The following PCSK6 variants were observed in gnomAD, a reference collection of about 807,000 sequenced individuals.
The protein encoded by PCSK6 is proprotein convertase subtilisin/kexin type 6.
PCSK6 carries 85 observed loss-of-function variants against 123.3 expected under a neutral mutation model. The observed-to-expected ratio is 0.69, with a 90% confidence interval of 0.58 to 0.83. The LOEUF (loss-of-function observed/expected upper bound fraction) is 0.83. Ranked by LOEUF, PCSK6 falls within the 40% of genes least tolerant of loss-of-function variation. PCSK6 has a pLI of 0.00. For missense variants in PCSK6, 1,191 were observed against 1,282.3 expected, an observed-to-expected ratio of 0.93 and a Z score of 1.09; for synonymous variants, 508 against 516.0, an observed-to-expected ratio of 0.98 and a Z score of 0.21.
intron 1 of PCSK6, 62 bp from the exon 2 acceptor site, chr15:101,443,722 C>T: frequency 8.3e-7 from 1 of 1,210,496 alleles, no homozygotes; most frequent in Non-Finnish European, 1.2e-6. Flanking sequence ...CCAAAATCTT[C>T]CACCCCACAA....
rs115950115 is a variant in PCSK6 at position 101,427,555 on chromosome 15, C to T, written c.823+337G>A. Among the ~76,000 whole-genome samples the T allele has an allele frequency of 3.9e-3, 598 of 152,304 alleles. 6 individuals are homozygous for T. Among genetic ancestry groups the T allele is most frequent in the African/African-American group, 0.013 (559 of 41,574 alleles). On this transcript the variant is annotated intron_variant, in intron 6 of 21. Coordinates refer to ENST00000611716, the MANE Select transcript of PCSK6 (RefSeq NM_002570.5). Reference sequence around the variant, plus strand: ...AGCTGTCACTCTGTCTGGGAAGTGACGGAGCCACTGAGGGCTATGGGCAGC... The same window carrying T: ...AGCTGTCACTCTGTCTGGGAAGTGATGGAGCCACTGAGGGCTATGGGCAGC...
At chr15:101,353,290 C>T (rs972105012) in intron 13 of PCSK6, among the ~76,000 whole-genome samples, 7 of 152,140 alleles carry the variant, frequency 4.6e-5, no homozygotes, top group East Asian at 3.9e-4. Context: ...CAATGGGGTT[C>T]GCACTCCTAT....
chr15:101,326,855 G>A (rs894651511), intron 15 of PCSK6, among the ~76,000 whole-genome samples: 1 of 152,236 alleles, frequency 6.6e-6, no homozygotes, highest in Non-Finnish European at 1.5e-5. Flanking sequence ...TCATCATGCT[G>A]GGACCAGCCA....
intron 18 of PCSK6, among the ~76,000 whole-genome samples, chr15:101,319,888 T>C (rs114057673): frequency 1.8e-3 from 278 of 152,228 alleles, no homozygotes; most frequent in African/African-American, 6.4e-3. Context: ...GTAAAGTCTT[T>C]CCCTGTGAGC....
chr15:101,314,129 C>T (rs961296308), intron 19 of PCSK6, among the ~76,000 whole-genome samples: 2 of 152,064 alleles, frequency 1.3e-5, no homozygotes, highest in African/African-American at 2.4e-5. Flanking sequence ...ACAGCCAGGG[C>T]GTTTTCAACA....
intron 11 of PCSK6, among the ~76,000 whole-genome samples, chr15:101,375,065 G>A (rs1354430528): frequency 2.0e-5 from 3 of 151,428 alleles, no homozygotes; most frequent in African/African-American, 2.4e-5. Flanking sequence ...CAATTCTCCC[G>A]CCTCAGACTC....
intron 1 of PCSK6, among the ~76,000 whole-genome samples, chr15:101,475,833 T>C (rs888900163): frequency 1.4e-4 from 22 of 152,030 alleles, no homozygotes; most frequent in African/African-American, 5.3e-4. Flanking sequence ...AAGAAGCATA[T>C]TAAAACAACC....
At chr15:101,442,750 T>C (rs552418572) in intron 2 of PCSK6, among the ~76,000 whole-genome samples, 1 of 152,366 alleles carries the variant, frequency 6.6e-6, no homozygotes, top group South Asian at 2.1e-4. Context: ...GATTTACCAA[T>C]GACCTCCGTT....
At chr15:101,332,773 T>C (rs922005401) in intron 13 of PCSK6, among the ~76,000 whole-genome samples, 16 of 152,084 alleles carry the variant, frequency 1.1e-4, no homozygotes, top group African/African-American at 3.9e-4. Context: ...TGGGGGCAGC[T>C]GGGGTCCCGC....
chr15:101,315,394 T>C (rs1256597147), intron 19 of PCSK6, among the ~76,000 whole-genome samples: 1 of 152,228 alleles, frequency 6.6e-6, no homozygotes, highest in African/African-American at 2.4e-5. Flanking sequence ...CTTTTAAGGA[T>C]TCCATTAAGT....
chr15:101,438,573 C>T (rs1275748897), intron 2 of PCSK6, among the ~76,000 whole-genome samples: 1 of 152,200 alleles, frequency 6.6e-6, no homozygotes, highest in African/African-American at 2.4e-5. Flanking sequence ...ACTCCAAGTT[C>T]CTCTCTCCCG....
chr15:101,322,335 G>A (rs972092746), intron 18 of PCSK6, among the ~76,000 whole-genome samples, 185 bp downstream of exon 18: 13 of 152,100 alleles, frequency 8.5e-5, no homozygotes, highest in Non-Finnish European at 1.5e-4. Flanking sequence ...TAGAGATTCC[G>A]CCCATCCTCT....
At chr15:101,399,180 C>T (rs542589323) in intron 6 of PCSK6, among the ~76,000 whole-genome samples, 40 of 152,344 alleles carry the variant, frequency 2.6e-4, no homozygotes, top group African/African-American at 9.1e-4. Flanking sequence ...GGCTTACAGG[C>T]GTGAGCCACC....
At chr15:101,359,858 A>G (rs1309956728) in intron 13 of PCSK6, among the ~76,000 whole-genome samples, 9 of 152,228 alleles carry the variant, frequency 5.9e-5, no homozygotes, top group Non-Finnish European at 4.4e-5. Context: ...GATACTTAAT[A>G]TACCTAATCC....
chr15:101,304,966 A>T lies in PCSK6; in HGVS notation c.*292T>A. ...GAAGATTCAGTAAACTTATGGTCCC[A>T]GAAGCTGCTCCAAAGCCAGAGCTGT... On this transcript the variant is annotated 3_prime_UTR_variant, in exon 22 of 22. Coordinates refer to ENST00000611716, the MANE Select transcript of PCSK6 (RefSeq NM_002570.5). 1 of 390,286 alleles carries T rather than the reference A, an allele frequency of 2.6e-6. No individual in the cohort carries two copies. Among genetic ancestry groups the T allele is most frequent in the Non-Finnish European group, 4.7e-6 (1 of 213,888 alleles). The allele number at this position is 390,286 out of a possible 1,614,324, so 24.2% of individuals were successfully genotyped here.
chr15:101,319,248 C>A (rs987160952), intron 18 of PCSK6, among the ~76,000 whole-genome samples: 5 of 152,222 alleles, frequency 3.3e-5, no homozygotes. Context: ...ACTATTATCT[C>A]TTTAGTTCCT....
intron 8 of PCSK6, among the ~76,000 whole-genome samples, chr15:101,390,945 G>C (rs2042217496): frequency 7.1e-6 from 1 of 140,690 alleles, no homozygotes; most frequent in Non-Finnish European, 1.6e-5. Context: ...TAGCCGATTT[G>C]CCTAACCTTT....
In PCSK6 at chr15:101,331,919, C is replaced by A; in HGVS notation, c.1971G>T (p.Leu657=). The part of the protein sequence containing the change: ...SRMLELSAPE[L]EPPKAALSPS... ...GTGACAGGGCAGCCTTGGGTGGCTC[C>A]AGCTCTGGGGCTGAGAGCTCCAGCA... is the stretch of plus-strand genomic sequence containing the variant. Residue 657 remains leucine (L), a synonymous_variant, in exon 14 of 22, where the codon CTG becomes CTT. Coordinates refer to ENST00000611716, the MANE Select transcript of PCSK6 (RefSeq NM_002570.5). 6.2e-7 allele frequency: 1 copy of A among 1,613,918 alleles called. No individual in the cohort carries two copies. The highest frequency in any genetic ancestry group is 8.5e-7 in the Non-Finnish European group (1 of 1,179,862).
At chr15:101,468,766 G>A (rs914832982) in intron 1 of PCSK6, among the ~76,000 whole-genome samples, 1 of 152,202 alleles carries the variant, frequency 6.6e-6, no homozygotes, top group Non-Finnish European at 1.5e-5. Context: ...GGAAGGCACA[G>A]CTCTCTCTAG....
Sources: gnomAD v4.1 joint callset for allele counts (sites outside exome capture counted in the v4.1 genomes callset) on GRCh38, gnomAD v4.1.1 for gene constraint, MANE v1.5 for transcripts, NCBI Gene and HGNC (gene_info 2026-07-23, HGNC 2026-07-21) for gene names.